CPNE4: variants seen among roughly 807,000 people sequenced by gnomAD.
CPNE4 encodes the protein copine 4.
In CPNE4, 25 loss-of-function variants were observed where a neutral mutation model predicts 67.9. The observed-to-expected ratio is 0.37, with a 90% CI of 0.27 to 0.51. The LOEUF (loss-of-function observed/expected upper bound fraction) is 0.51. Among genes scored for constraint, CPNE4 ranks in the 20% least tolerant of loss-of-function variants. The probability of loss-of-function intolerance (pLI) is 0.93; values close to 1 mark genes in which losing one functional copy is unlikely to be tolerated. For synonymous variants in CPNE4, 242 were observed against 244.9 expected, an observed-to-expected ratio of 0.99 and a Z score of 0.11; for missense variants, 464 against 690.8, an observed-to-expected ratio of 0.67 and a Z score of 3.68.
chr3:131,795,417 T>C (rs756577329), intron 2 of CPNE4, among the ~76,000 whole-genome samples: 10 of 152,326 alleles, frequency 6.6e-5, no homozygotes, highest in South Asian at 2.1e-4. Flanking sequence ...CATGACAGTA[T>C]GTGAGGTCAG....
At chr3:131,537,786 G>A in intron 15 of CPNE4, 1 of 157,376 alleles carries the variant, frequency 6.4e-6, no homozygotes, top group East Asian at 1.9e-4. Flanking sequence ...AGAGCAAAGG[G>A]AATCACAATG....
intron 1 of CPNE4, among the ~76,000 whole-genome samples, chr3:131,958,603 T>TC (rs1560681058): frequency 1.3e-5 from 1 of 76,932 alleles, no homozygotes; most frequent in Non-Finnish European, 2.8e-5. Flanking sequence ...CACCTTTCTT[T>TC]CTTTTCTTTT....
intron 1 of CPNE4, among the ~76,000 whole-genome samples, chr3:131,939,037 T>C (rs189811162): frequency 6.6e-6 from 1 of 152,280 alleles, no homozygotes; most frequent in Admixed American, 6.5e-5. Context: ...CTAATGGAAA[T>C]GCAAATTAGT....
intron 7 of CPNE4, among the ~76,000 whole-genome samples, chr3:131,602,187 C>T (rs1410356275): frequency 1.3e-5 from 2 of 152,102 alleles, no homozygotes; most frequent in African/African-American, 4.8e-5. Context: ...AGAAACACTA[C>T]ACAGAATACC....
In CPNE4 at chr3:131,756,064, G is replaced by A. The variant is rs909643116; in HGVS notation, c.181-32439C>T. On this transcript the variant is annotated intron_variant, in intron 2 of 15. Transcript: ENST00000429747. The stretch of plus-strand genomic sequence containing the variant: ...ACATCATGCCAAGTGTTAAGCTAGG[G>A]TTTAGTCAGTGTCTATAAAGAAACA... Among the ~76,000 whole-genome samples, 7 of 152,108 alleles carry A rather than the reference G, an allele frequency of 4.6e-5. No homozygotes were observed. The East Asian group carries it at 1.4e-3, about 29-fold the overall frequency.
intron 12 of CPNE4, among the ~76,000 whole-genome samples, chr3:131,554,740 G>C (rs1936369812): frequency 1.3e-5 from 2 of 152,156 alleles, no homozygotes. Context: ...ATTGAGGATT[G>C]GGCAGTGTTG....
chr3:131,940,175 A>T (rs889907912), intron 1 of CPNE4, among the ~76,000 whole-genome samples: 1 of 152,128 alleles, frequency 6.6e-6, no homozygotes, highest in Non-Finnish European at 1.5e-5. Context: ...TAATTTATAT[A>T]AAAAAAGAAA....
At chr3:131,937,639 C>T (rs2071263581) in intron 1 of CPNE4, among the ~76,000 whole-genome samples, 1 of 152,054 alleles carries the variant, frequency 6.6e-6, no homozygotes, top group African/African-American at 2.4e-5. Flanking sequence ...ACAGAAACAA[C>T]ACTCTAATGC....
chr3:131,983,757 G>A (rs2072969319), intron 1 of CPNE4, among the ~76,000 whole-genome samples: 1 of 152,160 alleles, frequency 6.6e-6, no homozygotes, highest in South Asian at 2.1e-4. Context: ...CAAGATGTCA[G>A]AGACTGATAT....
At chr3:131,830,908 G>A (rs2085343824) in intron 2 of CPNE4, among the ~76,000 whole-genome samples, 2 of 151,916 alleles carry the variant, frequency 1.3e-5, no homozygotes, top group South Asian at 4.2e-4. Flanking sequence ...AAAGGTACAA[G>A]GTACAAAGAT....
At chr3:131,768,237 GC>G (rs1486658156) in intron 2 of CPNE4, among the ~76,000 whole-genome samples, 2 of 152,100 alleles carry the variant, frequency 1.3e-5, no homozygotes, top group Non-Finnish European at 2.9e-5. Context: ...CACTAAGGCA[GC>G]CCAGAAAGCT....
intron 1 of CPNE4, among the ~76,000 whole-genome samples, chr3:132,004,262 C>T (rs891077793): frequency 6.6e-6 from 1 of 151,862 alleles, no homozygotes; most frequent in Non-Finnish European, 1.5e-5. Context: ...CTAAGCAAAA[C>T]AAAAGTGCAT....
chr3:131,784,748 A>G (rs1319490076), intron 2 of CPNE4, among the ~76,000 whole-genome samples: 1 of 152,072 alleles, frequency 6.6e-6, no homozygotes, highest in African/African-American at 2.4e-5. Context: ...TTGCTTTCTG[A>G]CATCACCCCT....
intron 7 of CPNE4, among the ~76,000 whole-genome samples, chr3:131,601,083 T>A: frequency 6.6e-6 from 1 of 152,084 alleles, no homozygotes; most frequent in East Asian, 1.9e-4. Flanking sequence ...AGTGCTCTGG[T>A]ATGGTGGAAA....
chr3:132,010,260 A>G (rs2073721965), intron 1 of CPNE4, among the ~76,000 whole-genome samples: 1 of 151,966 alleles, frequency 6.6e-6, no homozygotes, highest in Non-Finnish European at 1.5e-5. Flanking sequence ...ATTACATGGG[A>G]TGACAAGAAA....
chr3:131,866,900 A>G (rs1487579275), intron 2 of CPNE4, among the ~76,000 whole-genome samples: 2 of 152,228 alleles, frequency 1.3e-5, no homozygotes, highest in African/African-American at 4.8e-5. Flanking sequence ...CTGACACAAC[A>G]GAGAACACGT....
At chr3:131,802,174 G>A (rs1055954082) in intron 2 of CPNE4, among the ~76,000 whole-genome samples, 8 of 152,110 alleles carry the variant, frequency 5.3e-5, no homozygotes, top group African/African-American at 1.7e-4. Context: ...GAGATTTGAG[G>A]CCGTAGAAAT....
intron 2 of CPNE4, among the ~76,000 whole-genome samples, chr3:131,901,946 C>T (rs1477686404): frequency 2.6e-5 from 4 of 152,076 alleles, no homozygotes; most frequent in Admixed American, 6.6e-5. Context: ...ACTGCTCCAG[C>T]CCTAAGCAGA....
intron 1 of CPNE4, among the ~76,000 whole-genome samples, chr3:131,995,600 G>A (rs2073271935): frequency 6.6e-6 from 1 of 152,130 alleles, no homozygotes; most frequent in Non-Finnish European, 1.5e-5. Context: ...GCCAGTACTT[G>A]GAAAGCCTGA....
Sources: gnomAD v4.1 joint callset for allele counts (sites outside exome capture counted in the v4.1 genomes callset) on GRCh38, gnomAD v4.1.1 for gene constraint, MANE v1.5 for transcripts, NCBI Gene and HGNC (gene_info 2026-07-23, HGNC 2026-07-21) for gene names.